The following RGS7 variants were observed in gnomAD, a reference collection of about 807,000 sequenced individuals.
RGS7 encodes the protein regulator of G-protein signaling 7.
In RGS7, 27 loss-of-function variants were observed where a neutral mutation model predicts 81.1. The ratio of observed to expected loss-of-function variants is 0.33; its 90% confidence interval spans 0.25 to 0.46. RGS7 has a LOEUF of 0.46. Ranked by LOEUF, RGS7 falls within the 20% of genes least tolerant of loss-of-function variation. The pLI, the probability that RGS7 is intolerant of heterozygous loss-of-function variation, is 1.00. For missense variants in RGS7, 396 were observed against 607.4 expected (o/e 0.65, Z 3.66); for synonymous variants, 208 against 207.7 (o/e 1.00, Z -0.01).
intron 4 of RGS7, among the ~76,000 whole-genome samples, chr1:240,974,740 G>T (rs1171751708): frequency 6.6e-6 from 1 of 152,174 alleles, no homozygotes; most frequent in Admixed American, 6.5e-5. Flanking sequence ...TAGTATAAAA[G>T]TTGTATGCAT....
At chr1:240,957,224 T>C (rs1002728430) in intron 4 of RGS7, among the ~76,000 whole-genome samples, 6 of 152,162 alleles carry the variant, frequency 3.9e-5, no homozygotes, top group Admixed American at 3.3e-4. Flanking sequence ...CCTCCATCTT[T>C]CTCCCACGCT....
At chr1:241,239,975 A>G (rs1437752524) in intron 2 of RGS7, among the ~76,000 whole-genome samples, 1 of 152,190 alleles carries the variant, frequency 6.6e-6, no homozygotes, top group African/African-American at 2.4e-5. Context: ...AGGAGAATAA[A>G]TGGATTATAC....
chr1:240,813,786 C>A lies in RGS7; in HGVS notation c.846-58G>T. On this transcript the variant is annotated intron_variant, in intron 12 of 18. Transcript: ENST00000440928. ...TTTTCTGACTGGGGTTGCAGCCAGT[C>A]CAAAGCAGGGAAAACAATATAAAAA... 3 of 1,081,118 alleles carry A rather than the reference C, an allele frequency of 2.8e-6. No individual in the cohort carries two copies. The South Asian group carries it at 3.8e-5, about 14-fold the overall frequency. The allele number at this position is 1,081,118 out of a possible 1,614,324, so 67.0% of individuals were successfully genotyped here.
chr1:240,910,369 T>C (rs1671550506), intron 6 of RGS7, among the ~76,000 whole-genome samples: 1 of 152,112 alleles, frequency 6.6e-6, no homozygotes, highest in African/African-American at 2.4e-5. Flanking sequence ...CTCATTCATA[T>C]GTGGAAGCTA....
chr1:241,326,899 GA>G (rs1202137761), intron 2 of RGS7, among the ~76,000 whole-genome samples: 18 of 148,346 alleles, frequency 1.2e-4, no homozygotes, highest in African/African-American at 4.2e-4. Context: ...GACAGAGTGA[GA>G]CACTGTCAAA....
chr1:241,340,242 G>C (rs1464440765), intron 2 of RGS7, among the ~76,000 whole-genome samples: 1 of 152,136 alleles, frequency 6.6e-6, no homozygotes, highest in Non-Finnish European at 1.5e-5. Flanking sequence ...TGAAAGGAGA[G>C]AGCTGGTTGT....
intron 2 of RGS7, among the ~76,000 whole-genome samples, chr1:241,120,746 C>T (rs78911471): frequency 6.6e-6 from 1 of 151,914 alleles, no homozygotes; most frequent in Non-Finnish European, 1.5e-5. Flanking sequence ...AGAAAAGCCA[C>T]GGCCTCTAGA....
At chr1:240,969,880 G>A (rs1423247093) in intron 4 of RGS7, among the ~76,000 whole-genome samples, 1 of 152,238 alleles carries the variant, frequency 6.6e-6, no homozygotes, top group Non-Finnish European at 1.5e-5. Flanking sequence ...CAGTGTTCAT[G>A]CTTTTAAATC....
chr1:240,870,000 G>T, intron 7 of RGS7, 55 bp downstream of exon 7: 1 of 1,375,360 alleles, frequency 7.3e-7, no homozygotes, highest in Non-Finnish European at 1.0e-6. Flanking sequence ...AAGGCTGTGG[G>T]CCTTACTGCT....
At chr1:241,098,477 T>C (rs931080734) in intron 3 of RGS7, among the ~76,000 whole-genome samples, 189 bp downstream of exon 3, 1 of 152,352 alleles carries the variant, frequency 6.6e-6, no homozygotes. Context: ...AGCAGGGTCA[T>C]GATTTTTGGC....
chr1:241,167,492 C>A (rs1363768845), intron 2 of RGS7, among the ~76,000 whole-genome samples: 1 of 151,594 alleles, frequency 6.6e-6, no homozygotes, highest in East Asian at 1.9e-4. Context: ...GAGATTTCCA[C>A]AGGGACAGCT....
At chr1:241,258,506 T>C (rs928795583) in intron 2 of RGS7, among the ~76,000 whole-genome samples, 4 of 152,312 alleles carry the variant, frequency 2.6e-5, no homozygotes, top group Admixed American at 1.3e-4. Flanking sequence ...TCAGGAGTCA[T>C]GCACGCATAC....
chr1:240,884,487 C>T (rs1471883248), intron 6 of RGS7, among the ~76,000 whole-genome samples: 2 of 152,166 alleles, frequency 1.3e-5, no homozygotes, highest in African/African-American at 4.8e-5. Context: ...TGCTGGAGAA[C>T]ACTGATGAAT....
intron 2 of RGS7, among the ~76,000 whole-genome samples, chr1:241,168,628 C>G (rs534283068): frequency 6.6e-6 from 1 of 152,014 alleles, no homozygotes; most frequent in Non-Finnish European, 1.5e-5. Flanking sequence ...AGATTTTGTT[C>G]GAGCCCCTAT....
intron 9 of RGS7, among the ~76,000 whole-genome samples, chr1:240,853,279 G>A (rs1484091860): frequency 1.3e-5 from 2 of 152,104 alleles, no homozygotes; most frequent in African/African-American, 4.8e-5. Flanking sequence ...ACGACTACAG[G>A]GGAATACAGA....
intron 2 of RGS7, among the ~76,000 whole-genome samples, chr1:241,166,956 T>C (rs2070307973): frequency 6.6e-6 from 1 of 152,168 alleles, no homozygotes; most frequent in Admixed American, 6.5e-5. Flanking sequence ...TAAAATGTGT[T>C]AATTGCTATG....
At position 241,016,073 on chromosome 1, in the gene RGS7, C is replaced by T. The variant is rs142773964; in HGVS notation, c.176-32944G>A. ...AAAATGCTCACCTAAAAATAATTAA[C>T]CTAGAATCTGGCAAACTTACCTTAT... On this transcript the variant is annotated intron_variant, in intron 3 of 18. Coordinates refer to ENST00000440928, the MANE Select transcript of RGS7 (RefSeq NM_001364886.1). Among the ~76,000 whole-genome samples, 10 of 152,250 alleles carry T rather than the reference C, an allele frequency of 6.6e-5. 1 individual carries two copies. The East Asian group carries it at 1.9e-3, about 29-fold the overall frequency.
At chr1:240,824,235 G>C (rs1692357724) in intron 10 of RGS7, among the ~76,000 whole-genome samples, 2 of 152,198 alleles carry the variant, frequency 1.3e-5, no homozygotes, top group Admixed American at 1.3e-4. Flanking sequence ...ATGCTAGATT[G>C]TTACTTTAGG....
intron 2 of RGS7, among the ~76,000 whole-genome samples, chr1:241,318,460 C>CTT (rs773114304): frequency 6.8e-6 from 1 of 146,262 alleles, no homozygotes. Flanking sequence ...TTTCTTTTTT[C>CTT]TTTTTTTTTT....
Sources: allele counts gnomAD v4.1 joint callset (sites outside exome capture counted in the v4.1 genomes callset), GRCh38; gene constraint gnomAD v4.1.1; transcripts MANE v1.5; gene names NCBI Gene and HGNC (gene_info 2026-07-23, HGNC 2026-07-21).